Variants in CLSTN2 observed in about 807,000 individuals in gnomAD.
CLSTN2 encodes the protein calsyntenin 2.
Under a neutral mutation model 101.2 loss-of-function variants are expected in CLSTN2, and 48 were observed. That is an observed-to-expected ratio of 0.47 (90% CI 0.38 to 0.60). The LOEUF is 0.60. Ranked by LOEUF, CLSTN2 falls within the 20% of genes least tolerant of loss-of-function variation. CLSTN2 has a pLI of 0.00. For missense variants in CLSTN2, 1,160 were observed against 1,238.2 expected (o/e 0.94, Z 0.95); for synonymous variants, 481 against 463.6 (o/e 1.04, Z -0.48).
intron 8 of CLSTN2, among the ~76,000 whole-genome samples, chr3:140,484,477 A>G (rs8179951): frequency 0.14 from 21,086 of 151,986 alleles, 1,725 homozygotes; most frequent in African/African-American, 0.23. Context: ...TCTTTGTGGC[A>G]TTCTCTGTAT....
In CLSTN2 at chr3:140,405,938, T is replaced by C. The variant is rs544325690; in HGVS notation, c.637+1172T>C. ...ACTCCATTCACTCTGTAATTATTTA[T>C]TGAGTGCCAGGCATGGTGCTGAACA... On this transcript the variant is annotated intron_variant, in intron 4 of 16. Coordinates refer to ENST00000458420, the MANE Select transcript of CLSTN2 (RefSeq NM_022131.3). Among the ~76,000 whole-genome samples the C allele has an allele frequency of 2.5e-4, 38 of 152,318 alleles. No individual in the cohort carries two copies. The South Asian group carries it at 4.8e-3, about 19-fold the overall frequency.
At position 140,493,786 on chromosome 3, in the gene CLSTN2, T is replaced by C. The variant is rs1014469308; in HGVS notation, c.1344+27055T>C. On this transcript the variant is annotated intron_variant, in intron 8 of 16. Transcript: ENST00000458420. ...AGGAATCATTATTCCATGTCATAGA[T>C]GGGAGACCTATGAGAATTGAAATGG... 7.9e-5 allele frequency among the ~76,000 whole-genome samples: 12 copies of C among 152,356 alleles called. No individual in the cohort carries two copies. In the South Asian group the frequency reaches 1.0e-3, roughly 13 times the overall value.
In CLSTN2 at chr3:139,950,921, T is replaced by C. The variant is rs553169870; in HGVS notation, c.109+15438T>C. On this transcript the variant is annotated intron_variant, in intron 1 of 16. Transcript: ENST00000458420. ...TGCAAACAGATCTGTGTGTGTTGTA[T>C]TGGTGATTCAGATGTCATGGACATA... is the stretch of plus-strand genomic sequence containing the variant. Among the ~76,000 whole-genome samples, 13 of 152,340 alleles carry C rather than the reference T, an allele frequency of 8.5e-5. No homozygotes were observed. The South Asian group carries it at 2.3e-3, about 27-fold the overall frequency.
In CLSTN2 at chr3:140,427,141, A is replaced by T. The variant is rs1254813175; in HGVS notation, c.787+5867A>T. On this transcript the variant is annotated intron_variant, in intron 5 of 16. Coordinates refer to ENST00000458420, the MANE Select transcript of CLSTN2 (RefSeq NM_022131.3). The stretch of plus-strand genomic sequence containing the variant: ...CAGTTAGCCAGTAGTGCGCCACTGC[A>T]CTCCTGCCTGGGCGACAGAGTGAGA... 2.1e-5 allele frequency among the ~76,000 whole-genome samples: 3 copies of T among 140,340 alleles called. No individual in the cohort carries two copies. In the East Asian group the frequency reaches 6.1e-4, roughly 29 times the overall value. The allele number at this position is 140,340 out of a possible 152,430, so 92.1% of individuals were successfully genotyped here.
rs539426386 is a variant in CLSTN2, at chr3:139,935,403, C to T, written c.29C>T (p.Pro10Leu). The change falls in exon 1 of 17, where the codon CCG becomes CTG. Residue 10 changes from proline (P) to leucine (L), a missense_variant. Transcript: ENST00000458420. The surrounding 1 kb of genome is among the most constrained non-coding windows in gnomAD (Gnocchi z 5.5). MLPGRLCWV[P>L]LLLALGVGSG... The stretch of plus-strand genomic sequence containing the variant: ...CTGCCTGGGCGGCTGTGCTGGGTGC[C>T]GCTCCTGCTGGCGCTGGGCGTGGGG... 5 of 1,230,504 alleles carry T rather than the reference C, an allele frequency of 4.1e-6. No individual in the cohort carries two copies. In the South Asian group the frequency reaches 2.1e-4, roughly 51 times the overall value. 76.2% of individuals were successfully genotyped at this position (1,230,504 alleles called of 1,614,324 possible). A position where few individuals can be genotyped will look rare whatever the true frequency, so the allele number is the denominator to read the frequency against.
chr3:140,418,511 TTC>T (rs746118478), intron 4 of CLSTN2, among the ~76,000 whole-genome samples: 1 of 41,530 alleles, frequency 2.4e-5, no homozygotes, highest in East Asian at 1.3e-3. Context: ...CTTTCTTTCT[TTC>T]TTTCTTTTTT....
At chr3:140,335,495 T>C (rs2087431173) in intron 2 of CLSTN2, among the ~76,000 whole-genome samples, 1 of 150,906 alleles carries the variant, frequency 6.6e-6, no homozygotes, top group Admixed American at 6.6e-5. Context: ...AAGTGGCTAT[T>C]ATCTGACCTG....
intron 1 of CLSTN2, among the ~76,000 whole-genome samples, chr3:140,040,275 T>C (rs2007735470): frequency 6.6e-6 from 1 of 152,182 alleles, no homozygotes; most frequent in Admixed American, 6.5e-5. Context: ...ATCCGTGTGC[T>C]CTCTAGCTCC....
intron 2 of CLSTN2, among the ~76,000 whole-genome samples, chr3:140,380,868 T>A (rs190849340): frequency 6.6e-6 from 1 of 152,334 alleles, no homozygotes; most frequent in Admixed American, 6.5e-5. Flanking sequence ...CCAAGGTGGA[T>A]CTTGAAGGGC....
At chr3:140,538,488 T>C (rs1935403120) in intron 9 of CLSTN2, among the ~76,000 whole-genome samples, 1 of 152,150 alleles carries the variant, frequency 6.6e-6, no homozygotes, top group African/African-American at 2.4e-5. Context: ...AAGGCAGAAA[T>C]AACCCCTGAG....
intron 1 of CLSTN2, among the ~76,000 whole-genome samples, chr3:140,140,194 T>C (rs72986145): frequency 0.017 from 2,597 of 152,282 alleles, 84 homozygotes; most frequent in African/African-American, 0.059. Context: ...CTAGGCAGCC[T>C]ACATCCTTTT....
intron 8 of CLSTN2, among the ~76,000 whole-genome samples, chr3:140,516,368 C>A (rs184472257): frequency 1.3e-5 from 2 of 152,202 alleles, no homozygotes; most frequent in East Asian, 3.9e-4. Context: ...CTATTCTATT[C>A]ATTCTGCTAT....
intron 1 of CLSTN2, among the ~76,000 whole-genome samples, chr3:140,112,989 A>T (rs967932558): frequency 6.6e-6 from 1 of 152,110 alleles, no homozygotes; most frequent in African/African-American, 2.4e-5. Context: ...AGGCCCTAAC[A>T]TGCCAGAACC....
chr3:140,159,121 T>C (rs1051420921), intron 1 of CLSTN2, among the ~76,000 whole-genome samples: 1 of 152,008 alleles, frequency 6.6e-6, no homozygotes, highest in Non-Finnish European at 1.5e-5. Flanking sequence ...TTAGCCTTGG[T>C]GAAGAATTTT....
intron 8 of CLSTN2, among the ~76,000 whole-genome samples, chr3:140,498,646 G>GT (rs1017239774): frequency 8.5e-5 from 13 of 152,284 alleles, no homozygotes; most frequent in South Asian, 2.1e-4. Flanking sequence ...ACAATTATTT[G>GT]TTTTGTGCTA....
At chr3:140,458,169 A>ATT (rs11434420) in intron 6 of CLSTN2, among the ~76,000 whole-genome samples, 6,006 of 146,488 alleles carry the variant, frequency 0.041, 382 homozygotes, top group African/African-American at 0.14. Context: ...ATGGTAGGAG[A>ATT]TTTTTTTTTT....
Position 140,339,852 on chromosome 3 carries a change from C to T in CLSTN2, c.233-63777C>T, listed in dbSNP as rs536146268. 2.0e-5 allele frequency among the ~76,000 whole-genome samples: 3 copies of T among 152,320 alleles called. No individual in the cohort carries two copies. In the East Asian group the frequency reaches 5.8e-4, roughly 29 times the overall value. On this transcript the variant is annotated intron_variant, in intron 2 of 16. Coordinates refer to ENST00000458420, the MANE Select transcript of CLSTN2 (RefSeq NM_022131.3). ...AGTGTTCTTATCTCTAGAAGGTTGA[C>T]TTAGTCCAAGCAACAACACTGCCTT...
Position 140,546,737 on chromosome 3 carries a change from TGCACAGCGCCAGCACACG to T in CLSTN2, c.1674+57_1674+74del. The T allele has an allele frequency of 6.8e-6, 10 of 1,473,456 alleles. No homozygotes were observed. In the South Asian group the frequency reaches 1.3e-4, roughly 20 times the overall value. 91.3% of individuals were successfully genotyped at this position (1,473,456 alleles called of 1,614,324 possible). ...AGACAGGGATTCATGATGCCCAGCC[TGCACAGCGCCAGCACACG>T]CCAGGAAATGGAGCTTCCTGGAACG... On this transcript the variant is annotated intron_variant, in intron 10 of 16. Coordinates refer to ENST00000458420, the MANE Select transcript of CLSTN2 (RefSeq NM_022131.3).
chr3:140,356,577 G>GTGAA (rs1167895479), intron 2 of CLSTN2, among the ~76,000 whole-genome samples: 2 of 151,938 alleles, frequency 1.3e-5, no homozygotes, highest in Non-Finnish European at 2.9e-5. Flanking sequence ...GACCAACATG[G>GTGAA]TGAAGCCCTG....
Sources: gnomAD v4.1 joint callset for allele counts (sites outside exome capture counted in the v4.1 genomes callset) on GRCh38, gnomAD v4.1.1 for gene constraint, Gnocchi (gnomAD v3.1) non-coding constraint, MANE v1.5 for transcripts, NCBI Gene and HGNC (gene_info 2026-07-23, HGNC 2026-07-21) for gene names.